Variants in KIRREL1 observed in about 807,000 individuals in gnomAD.
KIRREL1 encodes kin of IRRE-like protein 1.
KIRREL1 carries 25 observed loss-of-function variants against 83.3 expected under a neutral mutation model. The observed-to-expected ratio is 0.30, with a 90% confidence interval of 0.22 to 0.42. The LOEUF (loss-of-function observed/expected upper bound fraction) is 0.42. Ranked by LOEUF, KIRREL1 falls within the 10% of genes least tolerant of loss-of-function variation. The probability of loss-of-function intolerance (pLI) is 1.00; values close to 1 mark genes in which losing one functional copy is unlikely to be tolerated. For missense variants in KIRREL1, 812 were observed against 1,032.3 expected (o/e 0.79, Z 2.92); for synonymous variants, 388 against 410.4 (o/e 0.95, Z 0.66).
At chr1:158,028,590 C>T (rs1014104740) in intron 1 of KIRREL1, among the ~76,000 whole-genome samples, 1 of 45,260 alleles carries the variant, frequency 2.2e-5, no homozygotes, top group African/African-American at 4.2e-5. Flanking sequence ...GGCTGGAAAG[C>T]CCAGGAGGCA....
At position 158,034,062 on chromosome 1, in the gene KIRREL1, AG is replaced by A. The variant is rs570035698; in HGVS notation, c.52+40336del. On this transcript the variant is annotated intron_variant, in intron 1 of 14. Transcript: ENST00000359209. Reference sequence around the variant, plus strand: ...GCCGAGGCGGGCGGATCACGAGGTCAGGAAATCGAGACCATCTGGACTAACA... The same window carrying A: ...GCCGAGGCGGGCGGATCACGAGGTCAGAAATCGAGACCATCTGGACTAACA... 5.5e-3 allele frequency among the ~76,000 whole-genome samples: 835 copies of A among 152,064 alleles called. 5 individuals are homozygous for A. The highest frequency in any genetic ancestry group is 0.019 in the African/African-American group (807 of 41,510).
chr1:158,032,269 G>T (rs1660349393), intron 1 of KIRREL1, among the ~76,000 whole-genome samples: 1 of 152,172 alleles, frequency 6.6e-6, no homozygotes, highest in Non-Finnish European at 1.5e-5. Context: ...CTGGGAGATG[G>T]CTGGAGAGGA....
chr1:158,037,647 C>G (rs1380036903), intron 1 of KIRREL1, among the ~76,000 whole-genome samples: 1 of 152,142 alleles, frequency 6.6e-6, no homozygotes, highest in Non-Finnish European at 1.5e-5. Context: ...TATTAGCTAT[C>G]AAGTCCCATC....
chr1:158,019,675 A>G (rs906983431), intron 1 of KIRREL1, among the ~76,000 whole-genome samples: 2 of 152,202 alleles, frequency 1.3e-5, no homozygotes, highest in Non-Finnish European at 2.9e-5. Flanking sequence ...TCCAGGGAGC[A>G]CGGGGCAGGA....
intron 1 of KIRREL1, among the ~76,000 whole-genome samples, chr1:158,050,093 A>G (rs1360909212): frequency 2.0e-5 from 3 of 152,020 alleles, no homozygotes; most frequent in Admixed American, 6.6e-5. Flanking sequence ...TGGAGGAGAG[A>G]GGTGTGTGTG....
chr1:158,012,238 G>A (rs931208946), intron 1 of KIRREL1, among the ~76,000 whole-genome samples: 3 of 152,074 alleles, frequency 2.0e-5, no homozygotes, highest in Non-Finnish European at 2.9e-5. Flanking sequence ...TTGGGGCCTT[G>A]GTTTATTCAG....
intron 1 of KIRREL1, among the ~76,000 whole-genome samples, chr1:158,034,101 G>A (rs1344538247): frequency 6.6e-6 from 1 of 151,714 alleles, no homozygotes. Context: ...GTGTAACCCC[G>A]TCTCTAGTAA....
intron 1 of KIRREL1, among the ~76,000 whole-genome samples, chr1:158,051,252 C>A (rs1660904021): frequency 6.6e-6 from 1 of 152,130 alleles, no homozygotes; most frequent in Non-Finnish European, 1.5e-5. Context: ...TATGCTGTTC[C>A]CTGGAAGATC....
chr1:158,076,291 CTG>C, intron 2 of KIRREL1, 29 bp downstream of exon 2: 1 of 1,607,020 alleles, frequency 6.2e-7, no homozygotes. Flanking sequence ...AACGTCCAAA[CTG>C]TCCCATCTTC....
chr1:158,071,362 G>A (rs1475097676), intron 1 of KIRREL1, among the ~76,000 whole-genome samples: 1 of 151,896 alleles, frequency 6.6e-6, no homozygotes, highest in African/African-American at 2.4e-5. Context: ...GTGCGTGTGA[G>A]TATGTGTGAG....
chr1:158,012,127 G>A (rs1393994868), intron 1 of KIRREL1, among the ~76,000 whole-genome samples: 2 of 151,966 alleles, frequency 1.3e-5, no homozygotes, highest in African/African-American at 4.8e-5. Flanking sequence ...AGAGCTTGAG[G>A]GTAGATTAGA....
chr1:158,084,551 C>T lies in KIRREL1; in HGVS notation c.482C>T (p.Thr161Met), dbSNP rs558318410. ...ACCATCATCTGGTTCCGGGACGGGA[C>T]GCAGCAGGAGGGCGCTGTGGCCAGC... ...AATIIWFRDG[T>M]QQEGAVASTE... The change falls in exon 4 of 15, where the codon ACG (threonine) becomes ATG (methionine). Residue 161 changes from threonine to methionine, a missense_variant. Coordinates refer to ENST00000359209, the MANE Select transcript of KIRREL1 (RefSeq NM_018240.7). The T allele has an allele frequency of 6.5e-5, 101 of 1,551,620 alleles. 1 individual carries two copies. In the South Asian group the frequency reaches 9.6e-4, roughly 15 times the overall value.
At chr1:158,059,924 A>G (rs1296159701) in intron 1 of KIRREL1, among the ~76,000 whole-genome samples, 1 of 152,130 alleles carries the variant, frequency 6.6e-6, no homozygotes, top group Non-Finnish European at 1.5e-5. Context: ...TGAGGTGGAC[A>G]TTGGGTTCGG....
rs1294589695 is a variant in KIRREL1, at chr1:158,095,754, G to A, written c.*634G>A. 6.6e-6 allele frequency: 1 copy of A among 152,370 alleles called. No homozygotes were observed. Among genetic ancestry groups the A allele is most frequent in the African/African-American group, 2.4e-5 (1 of 41,466 alleles). The allele number at this position is 152,370 out of a possible 1,614,324, so 9.4% of individuals were successfully genotyped here. ...GCCAGTCACCTTGGCTACCCACTGT[G>A]GACAGCTGTCTGTCAGCATGCAGAG... On this transcript the variant is annotated 3_prime_UTR_variant, in exon 15 of 15. Transcript: ENST00000359209.
intron 10 of KIRREL1, among the ~76,000 whole-genome samples, 179 bp downstream of exon 10, chr1:158,089,997 T>A (rs959775523): frequency 6.6e-6 from 1 of 152,114 alleles, no homozygotes; most frequent in Non-Finnish European, 1.5e-5. Flanking sequence ...CCTCCCTTAC[T>A]TGTTATGTGT....
chr1:158,057,973 G>A (rs1389336851), intron 1 of KIRREL1, among the ~76,000 whole-genome samples: 1 of 152,208 alleles, frequency 6.6e-6, no homozygotes, highest in Non-Finnish European at 1.5e-5. Context: ...TAGGTAAAGA[G>A]AAGAAGCCCT....
chr1:158,049,472 G>T (rs10908614), intron 1 of KIRREL1, among the ~76,000 whole-genome samples: 121,730 of 152,152 alleles, frequency 0.8, 49,351 homozygotes, highest in East Asian at 0.99. Flanking sequence ...ACGCCTCTGA[G>T]AGTCTGGGAT....
intron 2 of KIRREL1, among the ~76,000 whole-genome samples, chr1:158,076,918 T>G (rs1661696026): frequency 6.6e-6 from 1 of 152,216 alleles, no homozygotes; most frequent in South Asian, 2.1e-4. Context: ...AGTGGACACC[T>G]GGGTTCTAGT....
chr1:158,042,948 C>T (rs879309821), intron 1 of KIRREL1, among the ~76,000 whole-genome samples: 3 of 149,738 alleles, frequency 2.0e-5, no homozygotes, highest in East Asian at 2.0e-4. Flanking sequence ...ATTAGCCGGG[C>T]GTGGTGGCAG....
Sources: gnomAD v4.1 joint callset for allele counts (sites outside exome capture counted in the v4.1 genomes callset) on GRCh38, gnomAD v4.1.1 for gene constraint, MANE v1.5 for transcripts, NCBI Gene and HGNC (gene_info 2026-07-23, HGNC 2026-07-21) for gene names.